DLG2: variants seen among roughly 807,000 people sequenced by gnomAD.
The protein encoded by DLG2 is disks large homolog 2.
DLG2 carries 45 observed loss-of-function variants against 132.5 expected under a neutral mutation model. The observed-to-expected ratio is 0.34, with a 90% CI of 0.27 to 0.44. DLG2 has a LOEUF of 0.44. Among genes scored for constraint, DLG2 ranks in the 20% least tolerant of loss-of-function variants. DLG2 has a pLI of 1.00. For missense variants in DLG2, 1,045 were observed against 1,196.9 expected, an observed-to-expected ratio of 0.87 and a Z score of 1.87; for synonymous variants, 424 against 419.6, an observed-to-expected ratio of 1.01 and a Z score of -0.13.
At position 84,458,074 on chromosome 11, in the gene DLG2, ATAAATG is replaced by A. The variant is rs371106789; in HGVS notation, c.519+76490_519+76495del. ...TACAGATATAGACGCAGATGTAGAT[ATAAATG>A]TAGAGACTGGCATAGCTACTAATTA... On this transcript the variant is annotated intron_variant, in intron 7 of 27. Coordinates refer to ENST00000376104, the MANE Select transcript of DLG2 (RefSeq NM_001142699.3). 4.8e-3 allele frequency among the ~76,000 whole-genome samples: 718 copies of A among 151,018 alleles called. 7 individuals are homozygous for A. Among genetic ancestry groups the A allele is most frequent in the African/African-American group, 0.017 (698 of 41,420 alleles).
intron 4 of DLG2, among the ~76,000 whole-genome samples, chr11:85,278,978 T>G (rs1017601220): frequency 6.6e-6 from 1 of 152,192 alleles, no homozygotes; most frequent in Admixed American, 6.6e-5. Context: ...GAAGTTATAT[T>G]TTTAACTATA....
chr11:83,547,170 T>G (rs2096263473), intron 19 of DLG2, among the ~76,000 whole-genome samples: 1 of 152,110 alleles, frequency 6.6e-6, no homozygotes, highest in Non-Finnish European at 1.5e-5. Context: ...AAAGCTAGGA[T>G]AGCAGCGAAT....
At chr11:84,775,719 A>C (rs2070351428) in intron 6 of DLG2, among the ~76,000 whole-genome samples, 1 of 152,126 alleles carries the variant, frequency 6.6e-6, no homozygotes, top group Non-Finnish European at 1.5e-5. Flanking sequence ...ATACATGGCA[A>C]CAATAGACAC....
At chr11:84,695,976 A>G (rs1261973788) in intron 6 of DLG2, among the ~76,000 whole-genome samples, 1 of 151,574 alleles carries the variant, frequency 6.6e-6, no homozygotes, top group Non-Finnish European at 1.5e-5. Flanking sequence ...ACCAGTTTTC[A>G]AATAAGACCA....
chr11:83,480,325 T>G, intron 22 of DLG2: 1 of 1,456,606 alleles, frequency 6.9e-7, no homozygotes. Flanking sequence ...CCACAGGCAA[T>G]GGGGCAATTG....
intron 10 of DLG2, among the ~76,000 whole-genome samples, chr11:84,066,335 C>G (rs975981913): frequency 6.6e-6 from 1 of 152,200 alleles, no homozygotes; most frequent in African/African-American, 2.4e-5. Context: ...CCCTTGCCCA[C>G]AGTAAAACTT....
chr11:83,738,115 A>C (rs1268802472), intron 18 of DLG2, among the ~76,000 whole-genome samples: 1 of 152,134 alleles, frequency 6.6e-6, no homozygotes, highest in East Asian at 1.9e-4. Context: ...CTGTGAGAAA[A>C]GGAGGTTTAG....
chr11:83,782,476 T>A (rs1158346766), intron 18 of DLG2, among the ~76,000 whole-genome samples: 1 of 152,190 alleles, frequency 6.6e-6, no homozygotes, highest in Non-Finnish European at 1.5e-5. Flanking sequence ...ACCAGGTGTT[T>A]ACATACAGTT....
chr11:83,752,155 C>T (rs574351111), intron 18 of DLG2, among the ~76,000 whole-genome samples: 2 of 152,154 alleles, frequency 1.3e-5, no homozygotes, highest in East Asian at 3.9e-4. Context: ...GTAGTCCCAG[C>T]TACTCATGAG....
chr11:84,844,131 G>GTATATATA (rs1566125410), intron 6 of DLG2, among the ~76,000 whole-genome samples: 3 of 26,366 alleles, frequency 1.1e-4, no homozygotes, highest in South Asian at 1.3e-3. Flanking sequence ...GTGTGTGTGT[G>GTATATATA]TGTGTATATA....
At chr11:83,696,190 G>A (rs2081909676) in intron 18 of DLG2, among the ~76,000 whole-genome samples, 1 of 152,154 alleles carries the variant, frequency 6.6e-6, no homozygotes, top group Non-Finnish European at 1.5e-5. Flanking sequence ...GAGGGATAGG[G>A]CCTGATCTTA....
At chr11:84,101,292 C>T (rs1376254194) in intron 9 of DLG2, among the ~76,000 whole-genome samples, 3 of 151,918 alleles carry the variant, frequency 2.0e-5, no homozygotes, top group Non-Finnish European at 4.4e-5. Flanking sequence ...TATGCCACAC[C>T]CAAGGAACAG....
chr11:84,846,582 T>C (rs1458123498), intron 6 of DLG2, among the ~76,000 whole-genome samples: 1 of 152,152 alleles, frequency 6.6e-6, no homozygotes, highest in African/African-American at 2.4e-5. Flanking sequence ...TCCCTAGCAA[T>C]CACAGTAATG....
At chr11:85,313,703 G>A (rs983232101) in intron 3 of DLG2, among the ~76,000 whole-genome samples, 10 of 151,870 alleles carry the variant, frequency 6.6e-5, no homozygotes, top group Non-Finnish European at 1.3e-4. Flanking sequence ...GAAAACCACA[G>A]CATCATTGAA....
intron 21 of DLG2, among the ~76,000 whole-genome samples, chr11:83,509,130 G>C (rs1565544239): frequency 6.6e-6 from 1 of 152,190 alleles, no homozygotes; most frequent in Non-Finnish European, 1.5e-5. Flanking sequence ...ACAAGGCAGG[G>C]ACAAGAGTCC....
chr11:85,272,095 G>C (rs1336099141), intron 4 of DLG2, among the ~76,000 whole-genome samples: 2 of 152,196 alleles, frequency 1.3e-5, no homozygotes, highest in Non-Finnish European at 2.9e-5. Context: ...GACCTGGTGA[G>C]AGGTAATTGA....
intron 3 of DLG2, among the ~76,000 whole-genome samples, chr11:85,450,649 A>ACT (rs1231857598): frequency 6.6e-6 from 1 of 152,128 alleles, no homozygotes; most frequent in Admixed American, 6.6e-5. Context: ...TGGTAATGAA[A>ACT]CTCAGTTCAC....
intron 4 of DLG2, among the ~76,000 whole-genome samples, chr11:85,177,514 C>T (rs2079378635): frequency 6.6e-6 from 1 of 151,908 alleles, no homozygotes; most frequent in African/African-American, 2.4e-5. Flanking sequence ...ACACTGGGGC[C>T]TTACAGTGGG....
At chr11:85,122,805 T>A (rs1216009595) in intron 5 of DLG2, among the ~76,000 whole-genome samples, 1 of 150,436 alleles carries the variant, frequency 6.6e-6, no homozygotes, top group Non-Finnish European at 1.5e-5. Flanking sequence ...GTTGCAGAGT[T>A]GTGATATACA....
Sources: gnomAD v4.1 joint callset for allele counts (sites outside exome capture counted in the v4.1 genomes callset) on GRCh38, gnomAD v4.1.1 for gene constraint, MANE v1.5 for transcripts, NCBI Gene and HGNC (gene_info 2026-07-23, HGNC 2026-07-21) for gene names.